The following CDH13 variants were observed in gnomAD, a reference collection of about 807,000 sequenced individuals.
The protein encoded by CDH13 is cadherin-13.
CDH13 carries 24 observed loss-of-function variants against 63.8 expected under a neutral mutation model. That is an observed-to-expected ratio of 0.38 (90% CI 0.27 to 0.53). CDH13 has a LOEUF of 0.53. Among genes scored for constraint, CDH13 ranks in the 20% least tolerant of loss-of-function variants. The probability of loss-of-function intolerance (pLI) is 0.85; values close to 1 mark genes in which losing one functional copy is unlikely to be tolerated. For synonymous variants in CDH13, 503 were observed against 355.3 expected, an observed-to-expected ratio of 1.42 and a Z score of -4.67; for missense variants, 1,049 against 903.1, an observed-to-expected ratio of 1.16 and a Z score of -2.07.
intron 6 of CDH13, among the ~76,000 whole-genome samples, chr16:83,480,848 C>T (rs2073743678): frequency 6.6e-6 from 1 of 152,170 alleles, no homozygotes; most frequent in Admixed American, 6.5e-5. Context: ...CCCCAAAATG[C>T]TAGAATTTAA....
chr16:82,995,174 C>T (rs1193247217), intron 2 of CDH13, among the ~76,000 whole-genome samples: 1 of 152,192 alleles, frequency 6.6e-6, no homozygotes, highest in African/African-American at 2.4e-5. Flanking sequence ...AGGACCCTCT[C>T]TCCATTCTAG....
At chr16:82,679,572 C>G (rs550405036) in intron 1 of CDH13, among the ~76,000 whole-genome samples, 1 of 152,186 alleles carries the variant, frequency 6.6e-6, no homozygotes, top group East Asian at 1.9e-4. Flanking sequence ...TAATCTAGTA[C>G]ATATGAACTC....
rs186129410 is a variant in CDH13 at position 82,975,093 on chromosome 16, G to A, written c.158-56917G>A. ...TCGTCTTTCTGATTTCTTTCAGTCC[G>A]ATGGGTATAAAGCATAAACAAGTCT... On this transcript the variant is annotated intron_variant, in intron 2 of 13. Coordinates refer to ENST00000567109, the MANE Select transcript of CDH13 (RefSeq NM_001257.5). 4.5e-3 allele frequency among the ~76,000 whole-genome samples: 688 copies of A among 152,306 alleles called. 5 individuals are homozygous for A. Among genetic ancestry groups the A allele is most frequent in the Middle Eastern group, 0.024 (7 of 294 alleles).
intron 3 of CDH13, among the ~76,000 whole-genome samples, chr16:83,124,597 G>A (rs4783328): frequency 0.51 from 76,800 of 150,262 alleles, 19,882 homozygotes; most frequent in Admixed American, 0.59. Context: ...GCCAATATCT[G>A]GAAGAGTTTT....
chr16:83,732,562 GT>G (rs1306197768), intron 10 of CDH13, among the ~76,000 whole-genome samples: 1 of 152,170 alleles, frequency 6.6e-6, no homozygotes, highest in Admixed American at 6.5e-5. Context: ...GTAGGGTTCT[GT>G]TTCTACACTA....
intron 1 of CDH13, among the ~76,000 whole-genome samples, chr16:82,804,575 A>G (rs893538148): frequency 6.6e-6 from 1 of 152,086 alleles, no homozygotes; most frequent in African/African-American, 2.4e-5. Context: ...CATCTTCCTC[A>G]TTTTCCCCAT....
At chr16:82,707,560 G>A (rs901714604) in intron 1 of CDH13, among the ~76,000 whole-genome samples, 7 of 152,188 alleles carry the variant, frequency 4.6e-5, no homozygotes, top group Admixed American at 2.0e-4. Context: ...AGAAGCCAGG[G>A]TCTGTGATAC....
intron 2 of CDH13, among the ~76,000 whole-genome samples, chr16:83,014,682 G>A (rs2151441294): frequency 7.1e-6 from 1 of 141,036 alleles, no homozygotes; most frequent in South Asian, 2.2e-4. Flanking sequence ...AGTGAGCTGA[G>A]ATTGCACCAC....
chr16:83,616,473 A>T (rs1909292150), intron 8 of CDH13, among the ~76,000 whole-genome samples: 1 of 152,124 alleles, frequency 6.6e-6, no homozygotes, highest in Non-Finnish European at 1.5e-5. Context: ...CAATAAAAGC[A>T]ATTTTTCACT....
chr16:82,718,824 G>C (rs758582948), intron 1 of CDH13, among the ~76,000 whole-genome samples: 1 of 152,132 alleles, frequency 6.6e-6, no homozygotes, highest in Non-Finnish European at 1.5e-5. Flanking sequence ...CCCAAAACAC[G>C]TGGGAATTAT....
At chr16:83,723,922 G>A (rs1368034690) in intron 10 of CDH13, among the ~76,000 whole-genome samples, 1 of 152,206 alleles carries the variant, frequency 6.6e-6, no homozygotes, top group Non-Finnish European at 1.5e-5. Context: ...ATGAATTGAT[G>A]GATGCATGGA....
At chr16:82,930,109 A>T (rs1369790699) in intron 2 of CDH13, among the ~76,000 whole-genome samples, 1 of 139,740 alleles carries the variant, frequency 7.2e-6, no homozygotes, top group Non-Finnish European at 1.5e-5. Flanking sequence ...TATTGGTGCA[A>T]TCTCAGCTCA....
At chr16:83,575,846 G>A (rs577889741) in intron 7 of CDH13, among the ~76,000 whole-genome samples, 1 of 152,274 alleles carries the variant, frequency 6.6e-6, no homozygotes, top group South Asian at 2.1e-4. Context: ...GTTTGTGTAA[G>A]AGCAAGGTCC....
At chr16:83,345,066 T>C in intron 6 of CDH13, 60 bp downstream of exon 6, 1 of 1,576,496 alleles carries the variant, frequency 6.3e-7, no homozygotes, top group Non-Finnish European at 8.7e-7. Context: ...CTTTGATCTT[T>C]GTGGATTCTA....
chr16:83,090,806 A>G (rs1324833343), intron 3 of CDH13, among the ~76,000 whole-genome samples: 1 of 152,146 alleles, frequency 6.6e-6, no homozygotes, highest in African/African-American at 2.4e-5. Flanking sequence ...ATTCATTACA[A>G]TACAGACTAA....
chr16:83,247,779 C>T (rs1242030341), intron 5 of CDH13, among the ~76,000 whole-genome samples: 1 of 152,154 alleles, frequency 6.6e-6, no homozygotes, highest in African/African-American at 2.4e-5. Flanking sequence ...AAACCAATAA[C>T]ACTTCTATAT....
intron 7 of CDH13, among the ~76,000 whole-genome samples, chr16:83,502,742 T>G (rs2074310073): frequency 6.6e-6 from 1 of 152,250 alleles, no homozygotes; most frequent in African/African-American, 2.4e-5. Context: ...CCGTTAGCAT[T>G]GGCCATGAAG....
At chr16:83,455,025 G>C (rs1451421480) in intron 6 of CDH13, among the ~76,000 whole-genome samples, 1 of 152,098 alleles carries the variant, frequency 6.6e-6, no homozygotes, top group Non-Finnish European at 1.5e-5. Context: ...TTGATTATTT[G>C]TGAATACTTC....
intron 2 of CDH13, among the ~76,000 whole-genome samples, chr16:82,875,744 G>A (rs1473394979): frequency 6.6e-6 from 1 of 152,176 alleles, no homozygotes; most frequent in Non-Finnish European, 1.5e-5. Context: ...GATTCAAAGA[G>A]CATTCGAGAA....
Sources: allele counts gnomAD v4.1 joint callset (sites outside exome capture counted in the v4.1 genomes callset), GRCh38; gene constraint gnomAD v4.1.1; transcripts MANE v1.5; gene names NCBI Gene and HGNC (gene_info 2026-07-23, HGNC 2026-07-21).